The following PLEKHA8 variants were observed in gnomAD, a reference collection of about 807,000 sequenced individuals.
PLEKHA8 encodes pleckstrin homology domain containing A8.
A neutral mutation model predicts 68.2 loss-of-function variants in PLEKHA8; 36 were observed. The ratio of observed to expected loss-of-function variants is 0.53; its 90% CI spans 0.40 to 0.70. The LOEUF (loss-of-function observed/expected upper bound fraction) is 0.70. Ranked by LOEUF, PLEKHA8 falls within the 30% of genes least tolerant of loss-of-function variation. PLEKHA8 has a pLI of 0.00. For synonymous variants in PLEKHA8, 211 were observed against 216.1 expected (o/e 0.98, Z 0.20); for missense variants, 505 against 615.4 (o/e 0.82, Z 1.90).
chr7:30,071,945 C>T (rs927543720), intron 12 of PLEKHA8: 2 of 152,136 alleles, frequency 1.3e-5, no homozygotes, highest in South Asian at 2.1e-4. Flanking sequence ...CTGTACTGTA[C>T]GCTTTGTGAA....
At chr7:30,042,773 A>G (rs1791639143) in intron 1 of PLEKHA8, among the ~76,000 whole-genome samples, 1 of 152,182 alleles carries the variant, frequency 6.6e-6, no homozygotes, top group Non-Finnish European at 1.5e-5. Context: ...GTTCTCAGAA[A>G]TTGACTCTTC....
At chr7:30,090,208 T>C in exon 13 of PLEKHA8, 1 of 1,546,840 alleles carries the variant, frequency 6.5e-7, no homozygotes, top group Non-Finnish European at 8.7e-7. Flanking sequence ...GATCCTGAAC[T>C]TCAAGAATGA....
At chr7:30,096,869 T>C (rs969260078) in intron 13 of PLEKHA8, among the ~76,000 whole-genome samples, 7 of 152,238 alleles carry the variant, frequency 4.6e-5, no homozygotes, top group African/African-American at 1.7e-4. Flanking sequence ...CCTGTCATTA[T>C]GATGTTAGCT....
downstream of PLEKHA8, among the ~76,000 whole-genome samples, chr7:30,095,246 G>A (rs1032904649): frequency 2.6e-4 from 40 of 152,100 alleles, no homozygotes; most frequent in African/African-American, 9.4e-4. Context: ...ATCTCATTGT[G>A]GTTTTGATTT....
chr7:30,074,001 A>G (rs79764739), intron 12 of PLEKHA8, 70 bp from the exon 13 acceptor site: 16,205 of 1,281,534 alleles, frequency 0.013, 98 homozygotes, highest in Non-Finnish European at 0.014. Flanking sequence ...AAAAAAAAAA[A>G]GTACATTATA....
intron 13 of PLEKHA8, 72 bp downstream of exon 13, chr7:30,074,204 C>G: frequency 7.4e-7 from 1 of 1,356,644 alleles, no homozygotes; most frequent in Non-Finnish European, 1.0e-6. Context: ...GAAATCTCTT[C>G]TTACCCAGTT....
intron 12 of PLEKHA8, among the ~76,000 whole-genome samples, chr7:30,072,463 G>A (rs1346501977): frequency 8.5e-5 from 13 of 152,242 alleles, no homozygotes; most frequent in Admixed American, 8.5e-4. Context: ...TGACTAGAAT[G>A]ACATAATTTC....
At chr7:30,048,304 T>C (rs1792125702) in intron 4 of PLEKHA8, among the ~76,000 whole-genome samples, 1 of 152,198 alleles carries the variant, frequency 6.6e-6, no homozygotes, top group Admixed American at 6.5e-5. Context: ...AATATGTTTC[T>C]CTCCAGTTTA....
At chr7:30,041,419 ATTTTTTTT>A (rs59541222) in intron 1 of PLEKHA8, among the ~76,000 whole-genome samples, 2 of 120,198 alleles carry the variant, frequency 1.7e-5, no homozygotes, top group African/African-American at 3.1e-5. Flanking sequence ...TACCAGCTAC[ATTTTTTTT>A]TTTTTTTTTT....
chr7:30,109,193 T>C (rs1796176625), intron 13 of PLEKHA8, among the ~76,000 whole-genome samples: 1 of 152,210 alleles, frequency 6.6e-6, no homozygotes, highest in Non-Finnish European at 1.5e-5. Context: ...TTTGGAATAA[T>C]TTTAGATGTA....
intron 13 of PLEKHA8, among the ~76,000 whole-genome samples, chr7:30,096,833 TC>T (rs1187103512): frequency 6.6e-6 from 1 of 152,184 alleles, no homozygotes; most frequent in Non-Finnish European, 1.5e-5. Flanking sequence ...ACACTTAAGG[TC>T]AATATTGTTA....
chr7:30,066,168 C>T (rs1034415277), intron 12 of PLEKHA8, among the ~76,000 whole-genome samples: 8 of 152,148 alleles, frequency 5.3e-5, no homozygotes, highest in Non-Finnish European at 8.8e-5. Flanking sequence ...AGTTTATTTT[C>T]CTCCTTTTCA....
chr7:30,044,519 A>C (rs191610392), intron 1 of PLEKHA8, among the ~76,000 whole-genome samples: 56 of 152,380 alleles, frequency 3.7e-4, no homozygotes, highest in African/African-American at 1.3e-3. Flanking sequence ...ATGGATCAAT[A>C]CTAAAGAATA....
downstream of PLEKHA8, among the ~76,000 whole-genome samples, chr7:30,093,976 A>G (rs80087012): frequency 0.019 from 2,896 of 152,294 alleles, 43 homozygotes; most frequent in East Asian, 0.04. Context: ...TGTTATGAGG[A>G]TTAGCTGAGA....
intron 13 of PLEKHA8, 84 bp from the exon 14 acceptor site, chr7:30,078,502 AGTAT>A (rs1794750102): frequency 6.7e-6 from 9 of 1,349,476 alleles, no homozygotes; most frequent in Admixed American, 3.7e-5. Flanking sequence ...TATGTGTGAA[AGTAT>A]GTGTGTGTGC....
intron 4 of PLEKHA8, 95 bp downstream of exon 4, chr7:30,048,051 T>TAAAA: frequency 4.3e-6 from 3 of 703,346 alleles, no homozygotes; most frequent in Non-Finnish European, 5.7e-6. Context: ...TATTATTTTA[T>TAAAA]TAATATTACT....
At chr7:30,116,175 T>C (rs1376305894) in intron 13 of PLEKHA8, among the ~76,000 whole-genome samples, 1 of 151,326 alleles carries the variant, frequency 6.6e-6, no homozygotes, top group Non-Finnish European at 1.5e-5. Context: ...TGTGTATACA[T>C]ATGTATACAT....
At chr7:30,032,414 A>G (rs1790736079) in intron 1 of PLEKHA8, among the ~76,000 whole-genome samples, 1 of 152,206 alleles carries the variant, frequency 6.6e-6, no homozygotes, top group Non-Finnish European at 1.5e-5. Context: ...ACAATGTGCC[A>G]AGCACTTTTC....
At chr7:30,028,864 G>C (rs952890678) in intron 1 of PLEKHA8, 62 bp downstream of exon 1, 1 of 1,244,308 alleles carries the variant, frequency 8.0e-7, no homozygotes, top group East Asian at 3.1e-5. Flanking sequence ...CGCGGCTGGA[G>C]GGCGGTGTCT....
Sources: allele counts gnomAD v4.1 joint callset (sites outside exome capture counted in the v4.1 genomes callset), GRCh38; gene constraint gnomAD v4.1.1; transcripts MANE v1.5; gene names NCBI Gene and HGNC (gene_info 2026-07-23, HGNC 2026-07-21).